The following ERBB4 variants were observed in gnomAD, a reference collection of about 807,000 sequenced individuals.
The protein encoded by ERBB4 is receptor tyrosine-protein kinase erbB-4.
In ERBB4, 42 loss-of-function variants were observed where a neutral mutation model predicts 158.0. The ratio of observed to expected loss-of-function variants is 0.27; its 90% CI spans 0.21 to 0.34. ERBB4 has a LOEUF of 0.34. Ranked by LOEUF, ERBB4 falls within the 10% of genes least tolerant of loss-of-function variation. ERBB4 has a pLI of 1.00. For missense variants in ERBB4, 1,333 were observed against 1,624.1 expected, an observed-to-expected ratio of 0.82 and a Z score of 3.08; for synonymous variants, 583 against 558.7, an observed-to-expected ratio of 1.04 and a Z score of -0.61.
intron 1 of ERBB4, among the ~76,000 whole-genome samples, chr2:212,167,917 C>T (rs1267357657): frequency 6.6e-6 from 1 of 151,992 alleles, no homozygotes; most frequent in Non-Finnish European, 1.5e-5. Flanking sequence ...GGAAGGGAAA[C>T]AACACACACC....
At chr2:212,360,396 G>C (rs942250041) in intron 1 of ERBB4, among the ~76,000 whole-genome samples, 13 of 151,532 alleles carry the variant, frequency 8.6e-5, no homozygotes, top group Admixed American at 3.3e-4. Context: ...ATGTCTATTT[G>C]CTAGCCCCAT....
intron 1 of ERBB4, among the ~76,000 whole-genome samples, chr2:212,215,743 C>T (rs907090232): frequency 6.6e-6 from 1 of 151,348 alleles, no homozygotes; most frequent in Non-Finnish European, 1.5e-5. Flanking sequence ...CAATTTGATG[C>T]AAGTATAGCT....
At chr2:212,178,303 G>T (rs2081742297) in intron 1 of ERBB4, among the ~76,000 whole-genome samples, 1 of 151,478 alleles carries the variant, frequency 6.6e-6, no homozygotes, top group Admixed American at 6.6e-5. Flanking sequence ...TTTTATTTTG[G>T]AAAAGCAATT....
At chr2:211,715,134 A>G (rs2073850585) in intron 7 of ERBB4, among the ~76,000 whole-genome samples, 1 of 152,216 alleles carries the variant, frequency 6.6e-6, no homozygotes, top group South Asian at 2.1e-4. Flanking sequence ...ATTTTGTATG[A>G]AAAGAGAAGT....
chr2:212,379,079 A>T (rs2090420982), intron 1 of ERBB4, among the ~76,000 whole-genome samples: 2 of 151,786 alleles, frequency 1.3e-5, no homozygotes, highest in South Asian at 4.1e-4. Context: ...AGTTCAAGTG[A>T]AATGTTCAAT....
intron 9 of ERBB4, among the ~76,000 whole-genome samples, chr2:211,709,808 C>G (rs1003588286): frequency 1.3e-5 from 2 of 152,088 alleles, no homozygotes; most frequent in Non-Finnish European, 2.9e-5. Context: ...GCCAAAAAGT[C>G]GAGAAGCAAT....
chr2:211,505,696 C>T (rs2065728349), intron 20 of ERBB4, among the ~76,000 whole-genome samples: 2 of 152,132 alleles, frequency 1.3e-5, no homozygotes, highest in Admixed American at 6.5e-5. Flanking sequence ...CATGGTGGCT[C>T]ACGCCTGTAA....
chr2:212,534,935 TGATA>T (rs1375087176), intron 1 of ERBB4, among the ~76,000 whole-genome samples: 1 of 152,202 alleles, frequency 6.6e-6, no homozygotes, highest in African/African-American at 2.4e-5. Flanking sequence ...GTTCATGCTC[TGATA>T]AATATTCTAA....
intron 20 of ERBB4, among the ~76,000 whole-genome samples, chr2:211,482,742 C>T (rs1379587711): frequency 6.6e-6 from 1 of 152,038 alleles, no homozygotes; most frequent in African/African-American, 2.4e-5. Flanking sequence ...CCTGTCTCTA[C>T]TAAAAATACA....
At chr2:211,716,020 T>C (rs1353108294) in intron 7 of ERBB4, among the ~76,000 whole-genome samples, 4 of 151,808 alleles carry the variant, frequency 2.6e-5, no homozygotes, top group Non-Finnish European at 5.9e-5. Context: ...ATGTTTGGAG[T>C]TTTTAAATTT....
intron 1 of ERBB4, among the ~76,000 whole-genome samples, chr2:212,535,732 A>T (rs1342712364): frequency 1.3e-5 from 2 of 152,220 alleles, no homozygotes; most frequent in Non-Finnish European, 2.9e-5. Flanking sequence ...GCATAATTGA[A>T]AATGAGACAA....
intron 3 of ERBB4, among the ~76,000 whole-genome samples, chr2:211,922,013 C>T (rs1203978142): frequency 2.0e-5 from 3 of 152,014 alleles, no homozygotes; most frequent in African/African-American, 7.2e-5. Flanking sequence ...AGCTAACAAA[C>T]CATTTTAAGG....
intron 3 of ERBB4, among the ~76,000 whole-genome samples, chr2:211,862,174 C>T (rs1283078293): frequency 1.3e-5 from 2 of 152,092 alleles, no homozygotes; most frequent in African/African-American, 2.4e-5. Context: ...ATCATTAGAT[C>T]TAGCAAGTGT....
chr2:212,331,964 C>T lies in ERBB4; in HGVS notation c.82+206485G>A, dbSNP rs776311809. Among the ~76,000 whole-genome samples, 12 of 152,024 alleles carry T rather than the reference C, an allele frequency of 7.9e-5. No individual in the cohort carries two copies. The South Asian group carries it at 2.3e-3, about 29-fold the overall frequency. On this transcript the variant is annotated intron_variant, in intron 1 of 27. Coordinates refer to ENST00000342788, the MANE Select transcript of ERBB4 (RefSeq NM_005235.3). ...ACTCCCCCAATCATACCTCCTATTG[C>T]TGTCTCAGGTCACCCATATATAAAT...
chr2:212,403,742 G>A (rs1235906385), intron 1 of ERBB4, among the ~76,000 whole-genome samples: 2 of 152,004 alleles, frequency 1.3e-5, no homozygotes, highest in East Asian at 3.9e-4. Context: ...GGGGAAATGG[G>A]AAGTTGCTAA....
At chr2:211,552,424 T>C (rs1000444629) in intron 20 of ERBB4, among the ~76,000 whole-genome samples, 1 of 152,174 alleles carries the variant, frequency 6.6e-6, no homozygotes, top group Non-Finnish European at 1.5e-5. Flanking sequence ...TTTAAAATTT[T>C]TTTTGGAAGA....
chr2:211,735,455 G>A (rs192282334), intron 5 of ERBB4, among the ~76,000 whole-genome samples: 2 of 152,202 alleles, frequency 1.3e-5, no homozygotes, highest in African/African-American at 2.4e-5. Context: ...AAATCAAAAG[G>A]ACTAAAAGGG....
At chr2:212,474,153 AC>A (rs1312831315) in intron 1 of ERBB4, among the ~76,000 whole-genome samples, 2 of 152,246 alleles carry the variant, frequency 1.3e-5, no homozygotes, top group East Asian at 3.9e-4. Flanking sequence ...TTGAGATGAT[AC>A]AGAAGCCAAT....
intron 17 of ERBB4, among the ~76,000 whole-genome samples, chr2:211,624,352 C>T (rs912284654): frequency 6.6e-6 from 1 of 152,034 alleles, no homozygotes; most frequent in Non-Finnish European, 1.5e-5. Flanking sequence ...GGAAATGCTG[C>T]CTTCTTAGAG....
Sources: gnomAD v4.1 joint callset for allele counts (sites outside exome capture counted in the v4.1 genomes callset) on GRCh38, gnomAD v4.1.1 for gene constraint, MANE v1.5 for transcripts, NCBI Gene and HGNC (gene_info 2026-07-23, HGNC 2026-07-21) for gene names.